MCF2L: variants seen among roughly 807,000 people sequenced by gnomAD.
MCF2L encodes the protein MCF.2 cell line derived transforming sequence like.
MCF2L carries 97 observed loss-of-function variants against 153.4 expected under a neutral mutation model. The ratio of observed to expected loss-of-function variants is 0.63; its 90% CI spans 0.54 to 0.75. MCF2L has a LOEUF of 0.75. Ranked by LOEUF, MCF2L falls within the 30% of genes least tolerant of loss-of-function variation. MCF2L has a pLI of 0.00. For synonymous variants in MCF2L, 659 were observed against 632.2 expected (o/e 1.04, Z -0.64); for missense variants, 1,347 against 1,495.2 (o/e 0.90, Z 1.64).
In MCF2L at chr13:113,065,129, T is replaced by C. The variant is rs764545021; in HGVS notation, c.756+44T>C. ...GGCTGGAAGCTGTGGGGGGCTCCGG[T>C]CAGTCAGAAGCTGCGCGGGGCTCCG... On this transcript the variant is annotated intron_variant, in intron 7 of 29. Coordinates refer to ENST00000535094, the MANE Select transcript of MCF2L (RefSeq NM_001112732.3). 10 of 1,599,166 alleles carry C rather than the reference T, an allele frequency of 6.3e-6. No homozygotes were observed. In the Admixed American group the frequency reaches 8.4e-5, roughly 13 times the overall value.
At chr13:113,044,646 G>T in intron 3 of MCF2L, 1 of 1,610,020 alleles carries the variant, frequency 6.2e-7, no homozygotes, top group South Asian at 1.1e-5. Flanking sequence ...CCGACTCTGT[G>T]ACTCAGGCTT....
At chr13:112,916,366 G>A (rs114147218) in intron 2 of MCF2L, among the ~76,000 whole-genome samples, 1 of 152,112 alleles carries the variant, frequency 6.6e-6, no homozygotes. Flanking sequence ...TCACTGATTT[G>A]TGCTTTTGCC....
At position 112,908,464 on chromosome 13, in the gene MCF2L, C is replaced by T. The variant is rs370339570; in HGVS notation, c.169+6093C>T. Among the ~76,000 whole-genome samples the T allele has an allele frequency of 5.3e-4, 80 of 152,346 alleles. 1 individual carries two copies. The South Asian group carries it at 0.016, about 31-fold the overall frequency. On this transcript the variant is annotated intron_variant, in intron 2 of 29. Coordinates refer to the MCF2L transcript ENST00000375608. ...GACTCCTCAGGTGAACGGAAGGTGTCTGAAGACAGCAGGCAGCTTCTCTCC... is the reference window on the plus strand; with the variant it reads ...GACTCCTCAGGTGAACGGAAGGTGTTTGAAGACAGCAGGCAGCTTCTCTCC...
At position 112,904,558 on chromosome 13, in the gene MCF2L, C is replaced by G. The variant is rs970495018; in HGVS notation, c.169+2187C>G. Among the ~76,000 whole-genome samples, 2 of 152,250 alleles carry G rather than the reference C, an allele frequency of 1.3e-5. No homozygotes were observed. Among genetic ancestry groups the G allele is most frequent in the African/African-American group, 4.8e-5 (2 of 41,458 alleles). On this transcript the variant is annotated intron_variant, in intron 2 of 29. Coordinates refer to the MCF2L transcript ENST00000375608. The surrounding 1 kb of genome is among the most constrained non-coding windows in gnomAD (Gnocchi z 4.2). The stretch of plus-strand genomic sequence containing the variant: ...CTTCTTCCTCCCCTAACTCGCAAAA[C>G]CTCTCTGATCCCTGAGTCCTGGAGG...
intron 2 of MCF2L, among the ~76,000 whole-genome samples, chr13:112,905,985 C>G (rs901664734): frequency 2.0e-5 from 3 of 152,220 alleles, no homozygotes; most frequent in African/African-American, 7.2e-5. Flanking sequence ...TATTTTCCTG[C>G]TGGGCGATGA....
intron 2 of MCF2L, among the ~76,000 whole-genome samples, chr13:113,018,019 C>T (rs2141226375): frequency 6.6e-6 from 1 of 152,356 alleles, no homozygotes; most frequent in East Asian, 1.9e-4. Context: ...TGCCGCGGAG[C>T]CATGGCTGCC....
chr13:112,981,662 G>A (rs896170928), intron 1 of MCF2L, among the ~76,000 whole-genome samples: 2 of 152,228 alleles, frequency 1.3e-5, no homozygotes, highest in African/African-American at 2.4e-5. Flanking sequence ...ATGACCACCA[G>A]CTCCTGGCAG....
In MCF2L at chr13:113,094,768, TG is replaced by T. The variant is rs1400951316; in HGVS notation, c.3075+136del. ...TCCTCCTAACCCTGGAAGGTCCACA[TG>T]GGCCTGGGTCTTACGGGCAGTGCCA... On this transcript the variant is annotated intron_variant, in intron 27 of 29. Coordinates refer to ENST00000535094, the MANE Select transcript of MCF2L (RefSeq NM_001112732.3). The T allele has an allele frequency of 3.2e-6, 4 of 1,232,660 alleles. No homozygotes were observed. The African/African-American group carries it at 4.5e-5, about 14-fold the overall frequency. 76.4% of individuals were successfully genotyped at this position (1,232,660 alleles called of 1,614,324 possible). A position where few individuals can be genotyped will look rare whatever the true frequency, so the allele number is the denominator to read the frequency against.
chr13:112,955,346 C>T (rs1001028494), intron 2 of MCF2L, among the ~76,000 whole-genome samples: 9 of 152,174 alleles, frequency 5.9e-5, no homozygotes, highest in Admixed American at 2.0e-4. Flanking sequence ...TACCAGCAAA[C>T]GGAGACATGG....
chr13:112,984,240 C>CT (rs979590878), intron 1 of MCF2L, among the ~76,000 whole-genome samples: 4,105 of 146,798 alleles, frequency 0.028, 187 homozygotes, highest in African/African-American at 0.092. Flanking sequence ...AGAAATTCTC[C>CT]TTTTTTTTTT....
intron 1 of MCF2L, among the ~76,000 whole-genome samples, chr13:112,901,968 C>T (rs1352165719): frequency 3.3e-5 from 5 of 152,198 alleles, no homozygotes; most frequent in Non-Finnish European, 5.9e-5. Context: ...TTTGCTCCTG[C>T]GACCCTTTAT....
chr13:112,921,298 G>A (rs2081350624), intron 2 of MCF2L, among the ~76,000 whole-genome samples: 1 of 152,196 alleles, frequency 6.6e-6, no homozygotes, highest in Non-Finnish European at 1.5e-5. Context: ...GAAAACAGAG[G>A]TTGCAAGTTT....
rs372440536 is a variant in MCF2L, at chr13:113,086,282, G to A, written c.2373+33G>A. Reference sequence around the variant, plus strand: ...GCCCAGATGCCCGGTCTTCCCCGCCGCCTCCGTGGAATACACCAGCCCAGC... The same window carrying A: ...GCCCAGATGCCCGGTCTTCCCCGCCACCTCCGTGGAATACACCAGCCCAGC... On this transcript the variant is annotated intron_variant, in intron 21 of 29. Transcript: ENST00000535094. 115 of 1,604,198 alleles carry A rather than the reference G, an allele frequency of 7.2e-5. 2 individuals carry two copies. In the South Asian group the frequency reaches 7.8e-4, roughly 11 times the overall value.
intron 26 of MCF2L, chr13:113,090,916 T>C (rs1378795084): frequency 9.3e-6 from 11 of 1,185,836 alleles, no homozygotes; most frequent in Non-Finnish European, 1.2e-5. Flanking sequence ...CAGCCCCCAC[T>C]CCCATGCCCT....
At chr13:112,953,440 C>T (rs913657086) in intron 2 of MCF2L, among the ~76,000 whole-genome samples, 1 of 152,146 alleles carries the variant, frequency 6.6e-6, no homozygotes, top group South Asian at 2.1e-4. Flanking sequence ...ATATGGTGTC[C>T]GCTCCCCTCT....
At chr13:112,992,514 C>A (rs1200093995) in intron 1 of MCF2L, among the ~76,000 whole-genome samples, 2 of 152,232 alleles carry the variant, frequency 1.3e-5, no homozygotes, top group African/African-American at 4.8e-5. Context: ...TCCCGCCGTG[C>A]GTCTGTGGTG....
chr13:112,956,817 G>C (rs944043023), intron 2 of MCF2L: 1 of 152,250 alleles, frequency 6.6e-6, no homozygotes, highest in Non-Finnish European at 1.5e-5. Flanking sequence ...AAACTCTCCT[G>C]ACCGGGACAC....
chr13:113,085,675 C>T (rs911513089), intron 20 of MCF2L, among the ~76,000 whole-genome samples: 3 of 147,798 alleles, frequency 2.0e-5, no homozygotes, highest in South Asian at 2.2e-4. Context: ...GGGAGCTCCC[C>T]GGGGAGCAGG....
intron 2 of MCF2L, chr13:112,956,364 C>T (rs193112032): frequency 1.2e-4 from 18 of 152,336 alleles, no homozygotes; most frequent in African/African-American, 3.1e-4. Flanking sequence ...GCCAAAACAT[C>T]AAGAAATATG....
Sources: gnomAD v4.1 joint callset for allele counts (sites outside exome capture counted in the v4.1 genomes callset) on GRCh38, gnomAD v4.1.1 for gene constraint, Gnocchi (gnomAD v3.1) non-coding constraint, MANE v1.5 for transcripts, NCBI Gene and HGNC (gene_info 2026-07-23, HGNC 2026-07-21) for gene names.